The following MAGI2 variants were observed in gnomAD, a reference collection of about 807,000 sequenced individuals.
MAGI2 encodes the protein membrane-associated guanylate kinase, WW and PDZ domain-containing protein 2.
Under a neutral mutation model 133.3 loss-of-function variants are expected in MAGI2, and 35 were observed. The ratio of observed to expected loss-of-function variants is 0.26; its 90% CI spans 0.20 to 0.35. The LOEUF (loss-of-function observed/expected upper bound fraction) is 0.35, where lower values mean the gene tolerates loss of function less well. MAGI2 is among the 10% of genes least tolerant of loss of function. The pLI is 1.00. For synonymous variants in MAGI2, 729 were observed against 710.6 expected, an observed-to-expected ratio of 1.03 and a Z score of -0.41; for missense variants, 1,636 against 1,863.4, an observed-to-expected ratio of 0.88 and a Z score of 2.25.
intron 1 of MAGI2, among the ~76,000 whole-genome samples, chr7:79,146,246 G>A (rs1822604198): frequency 6.6e-6 from 1 of 152,188 alleles, no homozygotes; most frequent in Admixed American, 6.5e-5. Context: ...AAACACAGAA[G>A]AAGATTAAGT....
At chr7:78,342,209 C>T (rs1487594068) in intron 9 of MAGI2, among the ~76,000 whole-genome samples, 2 of 152,102 alleles carry the variant, frequency 1.3e-5, no homozygotes, top group Non-Finnish European at 2.9e-5. Context: ...AAAAAAGGCT[C>T]ATCATCACTG....
At position 79,213,171 on chromosome 7, in the gene MAGI2, T is replaced by G. The variant is rs180719965; in HGVS notation, c.302-205965A>C. The stretch of plus-strand genomic sequence containing the variant: ...TGACTTGAGATTTTTCTGTATATAT[T>G]TTCTGTATAGATTTTTCTGTATAGA... On this transcript the variant is annotated intron_variant, in intron 1 of 21. Transcript: ENST00000354212. Among the ~76,000 whole-genome samples the G allele has an allele frequency of 7.1e-4, 108 of 151,880 alleles. 1 individual carries two copies. Among genetic ancestry groups the G allele is most frequent in the African/African-American group, 2.5e-3 (105 of 41,240 alleles).
At chr7:79,008,190 TAA>T in intron 1 of MAGI2, among the ~76,000 whole-genome samples, 1 of 152,078 alleles carries the variant, frequency 6.6e-6, no homozygotes. Context: ...GACAAACAAT[TAA>T]AGATAGAAGA....
At chr7:78,197,386 T>C (rs1473478781) in intron 11 of MAGI2, among the ~76,000 whole-genome samples, 1 of 152,236 alleles carries the variant, frequency 6.6e-6, no homozygotes, top group Non-Finnish European at 1.5e-5. Context: ...ACTCTCCCAC[T>C]TGTCATCACA....
At chr7:78,777,204 T>C (rs901989665) in intron 2 of MAGI2, among the ~76,000 whole-genome samples, 1 of 152,206 alleles carries the variant, frequency 6.6e-6, no homozygotes. Flanking sequence ...TGGGTTTTTC[T>C]CTAGTCTTAA....
At chr7:78,894,408 CA>C (rs199770630) in intron 2 of MAGI2, among the ~76,000 whole-genome samples, 6 of 150,908 alleles carry the variant, frequency 4.0e-5, no homozygotes, top group African/African-American at 1.2e-4. Context: ...AAGCAACAAA[CA>C]AAAAAAAACT....
chr7:78,939,510 T>C (rs2151675728), intron 2 of MAGI2, among the ~76,000 whole-genome samples: 1 of 152,210 alleles, frequency 6.6e-6, no homozygotes, highest in East Asian at 1.9e-4. Flanking sequence ...AATGGTAAAG[T>C]TGTAAAGGCT....
chr7:78,673,712 A>C (rs1814669549), intron 2 of MAGI2, among the ~76,000 whole-genome samples: 1 of 148,188 alleles, frequency 6.7e-6, no homozygotes, highest in South Asian at 2.3e-4. Flanking sequence ...GGAGGGGGGC[A>C]GGCGGTGTTT....
chr7:78,998,731 C>T (rs971085590), intron 2 of MAGI2, among the ~76,000 whole-genome samples: 2 of 152,116 alleles, frequency 1.3e-5, no homozygotes, highest in African/African-American at 2.4e-5. Context: ...TATAAACTAC[C>T]GTCTTTAAGT....
At chr7:79,425,609 T>C (rs1208685665) in intron 1 of MAGI2, among the ~76,000 whole-genome samples, 3 of 143,654 alleles carry the variant, frequency 2.1e-5, no homozygotes, top group African/African-American at 2.6e-5. Flanking sequence ...TGTATATATA[T>C]GTATATATAC....
chr7:79,429,167 C>T (rs1481755983), intron 1 of MAGI2, among the ~76,000 whole-genome samples: 21 of 152,024 alleles, frequency 1.4e-4, no homozygotes, highest in Non-Finnish European at 2.8e-4. Flanking sequence ...AAATATTCAA[C>T]AGAACAGCTT....
At chr7:78,102,927 G>A (rs1194454929) in intron 20 of MAGI2, among the ~76,000 whole-genome samples, 1 of 152,148 alleles carries the variant, frequency 6.6e-6, no homozygotes, top group African/African-American at 2.4e-5. Context: ...TACCCGGGGG[G>A]ATTCTCTGGA....
intron 9 of MAGI2, among the ~76,000 whole-genome samples, chr7:78,333,661 A>C (rs1421591372): frequency 2.0e-5 from 3 of 152,174 alleles, no homozygotes; most frequent in Non-Finnish European, 4.4e-5. Context: ...AAGCTACCCT[A>C]AGCTACCTTG....
In MAGI2 at chr7:78,848,577, C is replaced by T. The variant is rs147532443; in HGVS notation, c.418+158513G>A. Among the ~76,000 whole-genome samples, 207 of 152,026 alleles carry T rather than the reference C, an allele frequency of 1.4e-3. 2 individuals are homozygous for T. The highest frequency in any genetic ancestry group is 0.01 in the Middle Eastern group (3 of 294). On this transcript the variant is annotated intron_variant, in intron 2 of 21. Coordinates refer to ENST00000354212, the MANE Select transcript of MAGI2 (RefSeq NM_012301.4). ...CAAATCTCTGACATGATCAAAAAGG[C>T]TCTTCATGACCTACTTCTACTGATC... is the stretch of plus-strand genomic sequence containing the variant.
At chr7:78,829,627 T>C (rs903906844) in intron 2 of MAGI2, among the ~76,000 whole-genome samples, 1 of 152,072 alleles carries the variant, frequency 6.6e-6, no homozygotes, top group Admixed American at 6.6e-5. Context: ...TCTGGCATCA[T>C]ACAGTGAAAT....
chr7:79,356,741 G>T (rs1006156817), intron 1 of MAGI2, among the ~76,000 whole-genome samples: 2 of 152,032 alleles, frequency 1.3e-5, no homozygotes, highest in Admixed American at 6.6e-5. Flanking sequence ...AAATAGATTG[G>T]GTCACTGTGT....
In MAGI2 at chr7:78,364,460, A is replaced by G. The variant is rs575924997; in HGVS notation, c.1103+4696T>C. Among the ~76,000 whole-genome samples, 5 of 152,306 alleles carry G rather than the reference A, an allele frequency of 3.3e-5. No individual in the cohort carries two copies. In the East Asian group the frequency reaches 7.7e-4, roughly 24 times the overall value. On this transcript the variant is annotated intron_variant, in intron 7 of 21. Transcript: ENST00000354212. The stretch of plus-strand genomic sequence containing the variant: ...ATTTACATTAAATGTTACATTCAAG[A>G]TATTATGCAGTATTTTTCATACTTT...
intron 1 of MAGI2, among the ~76,000 whole-genome samples, chr7:79,207,227 A>G (rs1416655417): frequency 1.3e-5 from 2 of 151,962 alleles, no homozygotes; most frequent in East Asian, 3.8e-4. Context: ...CAGAGCAATT[A>G]GGCAAGAGAA....
chr7:79,313,706 T>A (rs934323375), intron 1 of MAGI2, among the ~76,000 whole-genome samples: 3 of 152,196 alleles, frequency 2.0e-5, no homozygotes, highest in Admixed American at 2.0e-4. Flanking sequence ...ATTTTTGAAA[T>A]TCTTCAAATC....
Sources: gnomAD v4.1 joint callset for allele counts (sites outside exome capture counted in the v4.1 genomes callset) on GRCh38, gnomAD v4.1.1 for gene constraint, MANE v1.5 for transcripts, NCBI Gene and HGNC (gene_info 2026-07-23, HGNC 2026-07-21) for gene names.